MED16: variants seen among roughly 807,000 people sequenced by gnomAD.
MED16 encodes mediator of RNA polymerase II transcription subunit 16.
Under a neutral mutation model 84.4 loss-of-function variants are expected in MED16, and 81 were observed. That is an observed-to-expected ratio of 0.96 (90% CI 0.80 to 1.15). The LOEUF (loss-of-function observed/expected upper bound fraction) is 1.15. Ranked by LOEUF, MED16 falls within the 50% of genes most tolerant of loss-of-function variation. The pLI is 0.00. For synonymous variants in MED16, 897 were observed against 552.2 expected, an observed-to-expected ratio of 1.62 and a Z score of -8.76; for missense variants, 1,585 against 1,245.9, an observed-to-expected ratio of 1.27 and a Z score of -4.10.
rs199716714 is a variant in MED16 at position 884,955 on chromosome 19, C to A, written c.933G>T (p.Leu311=). The change falls in exon 6 of 16, where the codon CTG becomes CTT. Residue 311 remains leucine (L), a synonymous_variant. Coordinates refer to ENST00000325464, the MANE Select transcript of MED16 (RefSeq NM_005481.3). The stretch of plus-strand genomic sequence containing the variant: ...TGTTCACGGGGAGTCCCTCCTTGCG[C>A]AGGGACCAGCACTCCACGATGCTGC... The part of the protein sequence containing the change: ...QTSSIVECWS[L]RKEGLPVNNI... 1 of 1,609,516 alleles carries A rather than the reference C, an allele frequency of 6.2e-7. No individual in the cohort carries two copies. Among genetic ancestry groups the A allele is most frequent in the Non-Finnish European group, 8.5e-7 (1 of 1,179,354 alleles).
intron 9 of MED16, among the ~76,000 whole-genome samples, chr19:876,264 A>G (rs2036226551): frequency 6.6e-6 from 1 of 151,912 alleles, no homozygotes; most frequent in Non-Finnish European, 1.5e-5. Flanking sequence ...CTTCGAGGAC[A>G]CTCTGGGATT....
rs758773354 is a variant in MED16 at position 868,016 on chromosome 19, G to C, written c.*85C>G. The C allele has an allele frequency of 6.7e-7, 1 of 1,492,818 alleles. No homozygotes were observed. Among genetic ancestry groups the C allele is most frequent in the African/African-American group, 1.4e-5 (1 of 71,224 alleles). 92.5% of individuals were successfully genotyped at this position (1,492,818 alleles called of 1,614,324 possible). A position where few individuals can be genotyped will look rare whatever the true frequency, so the allele number is the denominator to read the frequency against. ...TCCTTCCCAGCCGCTGCTTGTCCAG[G>C]TTCAGCGCTCTCCGCGGGTGAGGCA... On this transcript the variant is annotated 3_prime_UTR_variant, in exon 16 of 16. Transcript: ENST00000325464.
At chr19:890,923 C>T in intron 2 of MED16, 40 bp downstream of exon 2, 2 of 1,600,234 alleles carry the variant, frequency 1.2e-6, no homozygotes, top group East Asian at 4.5e-5. Flanking sequence ...GGCGGGACAC[C>T]ATGCGGCCGG....
At chr19:884,220 A>G (rs2036478849) in intron 6 of MED16, among the ~76,000 whole-genome samples, 1 of 152,206 alleles carries the variant, frequency 6.6e-6, no homozygotes, top group South Asian at 2.1e-4. Flanking sequence ...CCTAAAAACC[A>G]GGCCCGCAGC....
Position 868,481 on chromosome 19 carries a change from C to A in MED16, c.2418G>T (p.Met806Ile). ...CCGTGGTTCTGTTGGGCGACTTGAG[C>A]ATGGTGACACAGCCGCACCTGCGGG... ...KACTRCGCVT[M>I]LKSPNRTTAV... is the part of the protein sequence containing the mutation. The change falls in exon 15 of 16, where the codon ATG becomes ATT. Residue 806 changes from methionine to isoleucine, a missense_variant. Transcript: ENST00000325464. 1 of 1,610,820 alleles carries A rather than the reference C, an allele frequency of 6.2e-7. No individual in the cohort carries two copies. Among genetic ancestry groups the A allele is most frequent in the Non-Finnish European group, 8.5e-7 (1 of 1,179,850 alleles).
At chr19:890,554 G>A (rs1387021863) in intron 2 of MED16, 1 of 372,994 alleles carries the variant, frequency 2.7e-6, no homozygotes, top group African/African-American at 2.1e-5. Context: ...CCAATTTTCT[G>A]TGGTTTTCTA....
chr19:875,191 AAAAT>A (rs1306799832), intron 10 of MED16, 49 bp downstream of exon 10: 13 of 1,218,778 alleles, frequency 1.1e-5, no homozygotes, highest in African/African-American at 3.1e-5. Context: ...AAATAAAAAT[AAAAT>A]AAATAGATGA....
At chr19:872,933 G>C (rs1420338631) in intron 11 of MED16, 1 of 1,025,552 alleles carries the variant, frequency 9.8e-7, no homozygotes, top group South Asian at 2.7e-5. Context: ...TCATGGAGAG[G>C]AGGGCTCCGA....
At chr19:870,706 G>A (rs1038879116) in intron 13 of MED16, among the ~76,000 whole-genome samples, 4 of 152,100 alleles carry the variant, frequency 2.6e-5, no homozygotes, top group South Asian at 4.2e-4. Context: ...GGCCATGACT[G>A]GAGAACATGG....
At chr19:869,834 T>C (rs2036004041) in intron 13 of MED16, among the ~76,000 whole-genome samples, 1 of 152,224 alleles carries the variant, frequency 6.6e-6, no homozygotes, top group South Asian at 2.1e-4. Context: ...AACGTGTGTC[T>C]GAAACAGGCT....
intron 6 of MED16, among the ~76,000 whole-genome samples, chr19:882,564 G>A (rs117089291): frequency 6.6e-6 from 1 of 152,210 alleles, no homozygotes; most frequent in Non-Finnish European, 1.5e-5. Flanking sequence ...GAGCACGTGT[G>A]GGGGGTCCTG....
intron 3 of MED16, 32 bp from the exon 4 acceptor site, chr19:889,839 C>A: frequency 6.3e-7 from 1 of 1,589,458 alleles, no homozygotes; most frequent in Non-Finnish European, 8.5e-7. Flanking sequence ...TGCGAACCTT[C>A]CAGGGATGGG....
intron 6 of MED16, among the ~76,000 whole-genome samples, chr19:882,320 C>T (rs980782261): frequency 6.6e-6 from 1 of 152,152 alleles, no homozygotes; most frequent in Admixed American, 6.5e-5. Flanking sequence ...CCAGCCTGGA[C>T]AACACAGCAA....
intron 13 of MED16, among the ~76,000 whole-genome samples, chr19:869,383 C>A (rs896535512): frequency 5.1e-5 from 7 of 138,298 alleles, no homozygotes; most frequent in Non-Finnish European, 1.1e-4. Flanking sequence ...CTCTGAACGA[C>A]AAGATTCTGG....
rs2036424507 is a variant in MED16, at chr19:881,629, G to A, written c.1071C>T (p.Pro357=). The change falls in exon 7 of 16, where the codon CCC becomes CCT. Residue 357 remains proline (P), a synonymous_variant. Coordinates refer to ENST00000325464, the MANE Select transcript of MED16 (RefSeq NM_005481.3). ...DLDRVSAVAL[P]KLPISLTNTD... is the part of the protein sequence containing the mutation. ...TGTTGGTGAGCGAGATGGGCAGCTT[G>A]GGCAGCGCCACGGCCGACACACGGT... The A allele has an allele frequency of 6.2e-7, 1 of 1,612,780 alleles. No homozygotes were observed. The highest frequency in any genetic ancestry group is 8.5e-7 in the Non-Finnish European group (1 of 1,179,948).
Position 873,581 on chromosome 19 carries a change from G to A in MED16, c.1773C>T (p.Asp591=), listed in dbSNP as rs745537969. 6.2e-6 allele frequency: 10 copies of A among 1,612,116 alleles called. No individual in the cohort carries two copies. Among genetic ancestry groups the A allele is most frequent in the South Asian group, 3.3e-5 (3 of 91,084 alleles). ...TGAGGTTGATCATGACCTTGTCAAT[G>A]TCTACAAGGAGACGTGGGTCGGGTC... ...TEICTKITDV[D]IDKVMINLKT... Residue 591 remains aspartate, a splice_region_variant and synonymous_variant, in exon 11 of 16, where the codon GAC becomes GAT. Coordinates refer to ENST00000325464, the MANE Select transcript of MED16 (RefSeq NM_005481.3).
At position 879,158 on chromosome 19, in the gene MED16, C is replaced by T. The variant is rs1175962351; in HGVS notation, c.1353+779G>A. ...GCCCCAGCCCCAGCCCCACGTGCCCCAGCAGCTCGCCTTCCCCTGGTTGTC... is the reference window on the plus strand; with the variant it reads ...GCCCCAGCCCCAGCCCCACGTGCCCTAGCAGCTCGCCTTCCCCTGGTTGTC... On this transcript the variant is annotated intron_variant, in intron 8 of 15. Coordinates refer to ENST00000325464, the MANE Select transcript of MED16 (RefSeq NM_005481.3). Among the ~76,000 whole-genome samples, 6 of 149,728 alleles carry T rather than the reference C, an allele frequency of 4.0e-5. No homozygotes were observed. In the South Asian group the frequency reaches 8.6e-4, roughly 21 times the overall value.
At chr19:876,542 T>C (rs2036234949) in intron 9 of MED16, among the ~76,000 whole-genome samples, 1 of 152,060 alleles carries the variant, frequency 6.6e-6, no homozygotes, top group Non-Finnish European at 1.5e-5. Context: ...GCTTAACGTG[T>C]TACAGAAGAA....
chr19:870,585 G>A (rs1419390712), intron 13 of MED16, among the ~76,000 whole-genome samples: 1 of 151,214 alleles, frequency 6.6e-6, no homozygotes, highest in Non-Finnish European at 1.5e-5. Context: ...AAAAAAAAAG[G>A]GAGAGGGTGA....
Sources: allele counts gnomAD v4.1 joint callset (sites outside exome capture counted in the v4.1 genomes callset), GRCh38; gene constraint gnomAD v4.1.1; transcripts MANE v1.5; gene names NCBI Gene and HGNC (gene_info 2026-07-23, HGNC 2026-07-21).